TACC2: variants seen among roughly 807,000 people sequenced by gnomAD.
The protein encoded by TACC2 is transforming acidic coiled-coil-containing protein 2.
TACC2 carries 137 observed loss-of-function variants against 227.3 expected under a neutral mutation model. That is an observed-to-expected ratio of 0.60 (90% CI 0.52 to 0.69). The LOEUF is 0.69. TACC2 is among the 30% of genes least tolerant of loss of function. TACC2 has a pLI of 0.00. For synonymous variants in TACC2, 1,523 were observed against 1,487.5 expected (o/e 1.02, Z -0.55); for missense variants, 3,470 against 3,694.4 (o/e 0.94, Z 1.57).
chr10:122,103,905 T>A (rs11813926), intron 5 of TACC2, among the ~76,000 whole-genome samples: 15,391 of 152,196 alleles, frequency 0.1, 2,000 homozygotes, highest in African/African-American at 0.31. Context: ...CCTGACCTCA[T>A]GGAGACCATG....
At chr10:122,245,937 T>A (rs1231080302) in intron 19 of TACC2, among the ~76,000 whole-genome samples, 1 of 152,130 alleles carries the variant, frequency 6.6e-6, no homozygotes, top group Admixed American at 6.5e-5. Flanking sequence ...CTCAGGCAGT[T>A]CAGAGGCTCC....
intron 6 of TACC2, among the ~76,000 whole-genome samples, chr10:122,133,488 T>C (rs1219242149): frequency 6.6e-6 from 1 of 152,176 alleles, no homozygotes; most frequent in East Asian, 1.9e-4. Context: ...CATACACACA[T>C]GTACACGTGT....
chr10:122,107,649 C>G (rs1465925879), intron 5 of TACC2, among the ~76,000 whole-genome samples: 3 of 150,462 alleles, frequency 2.0e-5, no homozygotes, highest in Non-Finnish European at 4.4e-5. Flanking sequence ...AATATGCTTG[C>G]TAGAATGCAC....
At position 122,086,975 on chromosome 10, in the gene TACC2, C is replaced by T. The variant is rs7920896; in HGVS notation, c.4475C>T (p.Pro1492Leu). 82,487 of 1,613,948 alleles carry T rather than the reference C, an allele frequency of 0.051. 2,882 individuals carry two copies. The highest frequency in any genetic ancestry group is 0.15 in the Admixed American group (8,951 of 60,026). The change falls in exon 4 of 23, where the codon CCA becomes CTA. Residue 1492 changes from proline (P) to leucine (L), a missense_variant. Coordinates refer to ENST00000369005, the MANE Select transcript of TACC2 (RefSeq NM_206862.4). ...AEISHLALQD[P>L]ASDKLLGPAG... ...ATTTCCCATCTGGCTCTGCAAGATC[C>T]AGCTTCAGACAAGCTTCTGGGTCCA...
At chr10:122,079,026 T>G (rs1220157213) in intron 3 of TACC2, 1 of 152,264 alleles carries the variant, frequency 6.6e-6, no homozygotes, top group Non-Finnish European at 1.5e-5. Context: ...CTTTCCTAAG[T>G]TGGCAGTTCC....
intron 7 of TACC2, among the ~76,000 whole-genome samples, chr10:122,158,742 A>G (rs1038837820): frequency 6.6e-6 from 1 of 152,236 alleles, no homozygotes; most frequent in Non-Finnish European, 1.5e-5. Flanking sequence ...CCAAGAAACC[A>G]CTTAGACTCC....
At chr10:122,008,143 C>T (rs551431112) in intron 1 of TACC2, among the ~76,000 whole-genome samples, 2,649 of 152,254 alleles carry the variant, frequency 0.017, 81 homozygotes, top group African/African-American at 0.058. Flanking sequence ...CCAAGACAAA[C>T]ACCCAGTTGC....
chr10:122,216,779 G>A lies in TACC2; in HGVS notation c.7497G>A (p.Ser2499=), dbSNP rs149645012. 10 of 1,614,040 alleles carry A rather than the reference G, an allele frequency of 6.2e-6. No homozygotes were observed. The highest frequency in any genetic ancestry group is 1.6e-4 in the Middle Eastern group (1 of 6,062). ...ACAAACAGGACTACCCGCAGCCCTCGGACCTGTCCACCTTTGTAAACGAGA... is the reference window on the plus strand; with the variant it reads ...ACAAACAGGACTACCCGCAGCCCTCAGACCTGTCCACCTTTGTAAACGAGA... ...EADKQDYPQP[S]DLSTFVNETK... Residue 2499 remains serine (S), a synonymous_variant, in exon 11 of 23, where the codon TCG becomes TCA. Transcript: ENST00000369005.
At chr10:122,068,795 C>G (rs924684763) in intron 3 of TACC2, among the ~76,000 whole-genome samples, 3 of 151,442 alleles carry the variant, frequency 2.0e-5, no homozygotes, top group Non-Finnish European at 4.4e-5. Flanking sequence ...TCCTGAGTAG[C>G]TAGGACTACA....
chr10:122,135,164 G>C (rs1298460289), intron 6 of TACC2, among the ~76,000 whole-genome samples: 13 of 152,188 alleles, frequency 8.5e-5, no homozygotes, highest in Admixed American at 8.5e-4. Flanking sequence ...TGGGACTGCA[G>C]CAGCTCTGGC....
intron 6 of TACC2, among the ~76,000 whole-genome samples, chr10:122,139,727 G>T (rs1223664725): frequency 2.6e-5 from 4 of 152,158 alleles, no homozygotes; most frequent in Non-Finnish European, 4.4e-5. Context: ...AAATCAAGAG[G>T]CCTGGGAGGA....
In TACC2 at chr10:122,211,493, G is replaced by A; in HGVS notation, c.7068G>A (p.Met2356Ile). Residue 2356 changes from methionine to isoleucine, a missense_variant, in exon 9 of 23, where the codon ATG (methionine) becomes ATA (isoleucine). Met to Ile is a conservative substitution (Grantham distance 10, BLOSUM62 1). Transcript: ENST00000369005. ...NFNPFSSTSK[M>I]QESPKLPQQS... ...ACCCTTTTTCTTCCACCTCAAAAAT[G>A]CAGGAGTCTCCCAAACTGCCCCAAC... The A allele has an allele frequency of 1.2e-6, 2 of 1,613,890 alleles. No homozygotes were observed. Among genetic ancestry groups the A allele is most frequent in the Non-Finnish European group, 8.5e-7 (1 of 1,179,954 alleles).
At chr10:122,113,865 G>A (rs577744847) in intron 5 of TACC2, among the ~76,000 whole-genome samples, 5 of 152,342 alleles carry the variant, frequency 3.3e-5, no homozygotes, top group East Asian at 1.9e-4. Flanking sequence ...CGCAGAGTGC[G>A]CCTCTGCCTC....
At chr10:122,032,972 A>ACAC in intron 2 of TACC2, 1 of 460,902 alleles carries the variant, frequency 2.2e-6, no homozygotes, top group Admixed American at 3.0e-5. Context: ...CAAAACAACA[A>ACAC]AACAACAACA....
chr10:122,170,261 G>GT (rs1565493220), intron 7 of TACC2, among the ~76,000 whole-genome samples: 2 of 98,884 alleles, frequency 2.0e-5, no homozygotes, highest in Non-Finnish European at 3.8e-5. Flanking sequence ...TGATGATCAA[G>GT]TCTTTTTTTT....
chr10:122,125,991 A>G (rs1179217833), intron 5 of TACC2, among the ~76,000 whole-genome samples: 1 of 151,712 alleles, frequency 6.6e-6, no homozygotes, highest in East Asian at 2.0e-4. Context: ...GTTGGCCAGG[A>G]TGATCTCGAT....
intron 7 of TACC2, among the ~76,000 whole-genome samples, chr10:122,174,855 C>G (rs1360266903): frequency 6.6e-6 from 1 of 152,226 alleles, no homozygotes. Context: ...ACCAACATCT[C>G]TCCCCCATGT....
intron 2 of TACC2, among the ~76,000 whole-genome samples, chr10:122,036,476 C>A (rs979086545): frequency 8.2e-5 from 12 of 147,068 alleles, no homozygotes; most frequent in South Asian, 6.5e-4. Context: ...TACAGGCATG[C>A]GCCACCGTGC....
intron 5 of TACC2, among the ~76,000 whole-genome samples, chr10:122,117,572 A>T (rs1251623928): frequency 1.3e-5 from 2 of 152,184 alleles, no homozygotes; most frequent in Non-Finnish European, 2.9e-5. Context: ...GGCTCTTGTT[A>T]GGTCTGCTGA....
Sources: gnomAD v4.1 joint callset for allele counts (sites outside exome capture counted in the v4.1 genomes callset) on GRCh38, gnomAD v4.1.1 for gene constraint, MANE v1.5 for transcripts, NCBI Gene and HGNC (gene_info 2026-07-23, HGNC 2026-07-21) for gene names.